SLC2A13: variants seen among roughly 807,000 people sequenced by gnomAD.
SLC2A13 encodes proton myo-inositol cotransporter.
Under a neutral mutation model 64.4 loss-of-function variants are expected in SLC2A13, and 32 were observed. The observed-to-expected ratio is 0.50, with a 90% CI of 0.37 to 0.67. The LOEUF (loss-of-function observed/expected upper bound fraction) is 0.67, where lower values mean the gene tolerates loss of function less well. SLC2A13 is among the 30% of genes least tolerant of loss of function. The probability of loss-of-function intolerance (pLI) is 0.00; values close to 1 mark genes in which losing one functional copy is unlikely to be tolerated. For synonymous variants in SLC2A13, 338 were observed against 327.1 expected, an observed-to-expected ratio of 1.03 and a Z score of -0.36; for missense variants, 743 against 829.2, an observed-to-expected ratio of 0.90 and a Z score of 1.28.
rs372872950 is a variant in SLC2A13 at position 40,105,392 on chromosome 12, G to A, written c.417C>T (p.Gly139=). The change falls in exon 1 of 10, where the codon GGC becomes GGT. Residue 139 remains glycine (G), a synonymous_variant. Coordinates refer to ENST00000280871, the MANE Select transcript of SLC2A13 (RefSeq NM_052885.4). The surrounding 1 kb of genome is among the most constrained non-coding windows in gnomAD (Gnocchi z 4.2). The stretch of plus-strand genomic sequence containing the variant: ...GGCGGCCGAAGACGCCGTTGAGGGC[G>A]CCTCCGGCCAGCGCCGAGACGGCAG... ...GAAAVSALAG[G]ALNGVFGRRA... The A allele has an allele frequency of 1.3e-6, 2 of 1,558,334 alleles. No individual in the cohort carries two copies. Among genetic ancestry groups the A allele is most frequent in the African/African-American group, 2.7e-5 (2 of 73,044 alleles).
At chr12:39,845,390 A>G (rs753400335) in intron 6 of SLC2A13, among the ~76,000 whole-genome samples, 1 of 152,156 alleles carries the variant, frequency 6.6e-6, no homozygotes, top group Non-Finnish European at 1.5e-5. Flanking sequence ...TTTGTCAAAC[A>G]CTATAACACT....
At chr12:39,861,799 A>G (rs890122103) in intron 6 of SLC2A13, among the ~76,000 whole-genome samples, 10 of 152,210 alleles carry the variant, frequency 6.6e-5, no homozygotes, top group Admixed American at 1.3e-4. Context: ...AACATTTTCT[A>G]TAGCAACTTG....
At chr12:39,971,997 A>ATATATATATATATATATATAT (rs1555144633) in intron 3 of SLC2A13, among the ~76,000 whole-genome samples, 1 of 77,346 alleles carries the variant, frequency 1.3e-5, no homozygotes, top group African/African-American at 4.8e-5. Flanking sequence ...AAAAAAAAAA[A>ATATATATATATATATATATAT]ATATATATAT....
At chr12:39,930,798 CATTT>C (rs1945814136) in intron 4 of SLC2A13, among the ~76,000 whole-genome samples, 1 of 152,262 alleles carries the variant, frequency 6.6e-6, no homozygotes, top group South Asian at 2.1e-4. Flanking sequence ...TTCAGAACAT[CATTT>C]ATTGTTTAAT....
At chr12:39,903,717 A>G (rs1410352867) in intron 4 of SLC2A13, among the ~76,000 whole-genome samples, 1 of 152,136 alleles carries the variant, frequency 6.6e-6, no homozygotes, top group Non-Finnish European at 1.5e-5. Context: ...CCAGAAATGG[A>G]GACATCATTT....
chr12:39,766,918 TAA>T (rs1940372662), intron 7 of SLC2A13, among the ~76,000 whole-genome samples: 1 of 152,110 alleles, frequency 6.6e-6, no homozygotes, highest in Non-Finnish European at 1.5e-5. Context: ...CTTTCTCCCC[TAA>T]AGTCTTCAGC....
At chr12:39,942,305 T>C (rs954657523) in intron 4 of SLC2A13, among the ~76,000 whole-genome samples, 1 of 152,256 alleles carries the variant, frequency 6.6e-6, no homozygotes, top group Admixed American at 6.5e-5. Context: ...TTTGGCAGTA[T>C]GGTCATGTTC....
chr12:39,794,624 G>T (rs1271077247), intron 7 of SLC2A13, among the ~76,000 whole-genome samples: 3 of 152,134 alleles, frequency 2.0e-5, no homozygotes, highest in Non-Finnish European at 4.4e-5. Context: ...AACCAATCCA[G>T]CTGTTTTTGT....
chr12:39,893,515 G>T (rs1288205267), intron 4 of SLC2A13, among the ~76,000 whole-genome samples: 1 of 152,158 alleles, frequency 6.6e-6, no homozygotes, highest in Non-Finnish European at 1.5e-5. Context: ...GGCCAGGCTG[G>T]TCTCAAACTC....
At chr12:40,008,753 A>G (rs967420982) in intron 3 of SLC2A13, among the ~76,000 whole-genome samples, 7 of 152,366 alleles carry the variant, frequency 4.6e-5, no homozygotes, top group Non-Finnish European at 1.0e-4. Context: ...AGAAATTACC[A>G]TGGAAACAAA....
At chr12:39,797,727 AACACACACACACACACACAC>A (rs1555237479) in intron 7 of SLC2A13, among the ~76,000 whole-genome samples, 1 of 84,002 alleles carries the variant, frequency 1.2e-5, no homozygotes, top group South Asian at 5.0e-4. Context: ...AGTTATGGTA[AACACACACACACACACACAC>A]ACACACACAC....
At chr12:39,780,974 T>C (rs73102559) in intron 7 of SLC2A13, among the ~76,000 whole-genome samples, 2,344 of 152,330 alleles carry the variant, frequency 0.015, 57 homozygotes, top group African/African-American at 0.051. Flanking sequence ...AATGAGGAGA[T>C]GGAAAGTCAT....
intron 1 of SLC2A13, among the ~76,000 whole-genome samples, chr12:40,075,822 T>C (rs1938150061): frequency 1.3e-5 from 2 of 152,178 alleles, no homozygotes; most frequent in Non-Finnish European, 2.9e-5. Flanking sequence ...ATTTCTATTG[T>C]TTGAATTACT....
At chr12:40,102,792 T>C (rs563645381) in intron 1 of SLC2A13, among the ~76,000 whole-genome samples, 21 of 152,308 alleles carry the variant, frequency 1.4e-4, no homozygotes, top group Admixed American at 2.6e-4. Flanking sequence ...TAGGAACCCA[T>C]TTCCTTGTAG....
intron 7 of SLC2A13, among the ~76,000 whole-genome samples, chr12:39,803,820 AAAATAT>A (rs1266190835): frequency 6.6e-6 from 1 of 152,208 alleles, no homozygotes; most frequent in East Asian, 1.9e-4. Context: ...GTAATATCTG[AAAATAT>A]AATGGCTGAG....
chr12:39,877,195 G>C (rs1306321065), intron 4 of SLC2A13, among the ~76,000 whole-genome samples: 6 of 152,068 alleles, frequency 3.9e-5, no homozygotes, highest in African/African-American at 1.4e-4. Context: ...CTAAGACTGG[G>C]TAATTTATAA....
intron 1 of SLC2A13, among the ~76,000 whole-genome samples, chr12:40,078,130 G>C (rs1226683037): frequency 6.6e-6 from 1 of 152,042 alleles, no homozygotes; most frequent in South Asian, 2.1e-4. Context: ...CTTCCTATTT[G>C]GATGACTTTT....
chr12:39,952,204 T>C (rs981013238), intron 3 of SLC2A13, among the ~76,000 whole-genome samples: 12 of 152,154 alleles, frequency 7.9e-5, no homozygotes, highest in Admixed American at 3.9e-4. Flanking sequence ...AATGTGGCCC[T>C]TCCAGCCTCA....
intron 6 of SLC2A13, among the ~76,000 whole-genome samples, chr12:39,835,976 C>T (rs887021124): frequency 6.6e-6 from 1 of 152,088 alleles, no homozygotes; most frequent in Non-Finnish European, 1.5e-5. Flanking sequence ...ATTTGATTAA[C>T]ACCCAAAATG....
Sources: allele counts gnomAD v4.1 joint callset (sites outside exome capture counted in the v4.1 genomes callset), GRCh38; gene constraint gnomAD v4.1.1; non-coding constraint Gnocchi (gnomAD v3.1); transcripts MANE v1.5; gene names NCBI Gene and HGNC (gene_info 2026-07-23, HGNC 2026-07-21).